Variants in GMCL1 observed in about 807,000 individuals in gnomAD.
GMCL1 encodes the protein germ cell-less protein-like 1.
In GMCL1, 54 loss-of-function variants were observed where a neutral mutation model predicts 75.5. The observed-to-expected ratio is 0.71, with a 90% CI of 0.57 to 0.90. GMCL1 has a LOEUF of 0.90. Among genes scored for constraint, GMCL1 ranks in the 40% least tolerant of loss-of-function variants. GMCL1 has a pLI of 0.00. For synonymous variants in GMCL1, 210 were observed against 209.6 expected (o/e 1.00, Z -0.02); for missense variants, 537 against 622.7 (o/e 0.86, Z 1.47).
chr2:69,833,603 A>G (rs1171734925), intron 1 of GMCL1, among the ~76,000 whole-genome samples: 1 of 152,246 alleles, frequency 6.6e-6, no homozygotes, highest in African/African-American at 2.4e-5. Context: ...GCAACAGAGT[A>G]AGACCCTGTC....
chr2:69,857,857 A>G (rs1675523656), intron 9 of GMCL1, among the ~76,000 whole-genome samples: 2 of 152,212 alleles, frequency 1.3e-5, no homozygotes, highest in Admixed American at 1.3e-4. Flanking sequence ...GTGTATGTAT[A>G]CCTGAAGATA....
intron 1 of GMCL1, 57 bp downstream of exon 1, chr2:69,830,209 C>G: frequency 1.3e-6 from 2 of 1,509,358 alleles, no homozygotes; most frequent in Non-Finnish European, 8.9e-7. Flanking sequence ...GGCCTGGGGC[C>G]GAGCCGGCGC....
At chr2:69,850,732 C>T (rs1474196696) in intron 8 of GMCL1, among the ~76,000 whole-genome samples, 1 of 152,092 alleles carries the variant, frequency 6.6e-6, no homozygotes, top group East Asian at 1.9e-4. Flanking sequence ...TTGATTAGTA[C>T]CATTTCTTAA....
chr2:69,880,288 A>T lies in GMCL1; in HGVS notation c.*1284A>T, dbSNP rs1676244644. ...AGCTCTTACATAAAATGGACCAAAAAATCCCCCTTAATTGAAACCAAAATT... is the reference window on the plus strand; with the variant it reads ...AGCTCTTACATAAAATGGACCAAAATATCCCCCTTAATTGAAACCAAAATT... On this transcript the variant is annotated 3_prime_UTR_variant, in exon 14 of 14. Transcript: ENST00000282570. 6.6e-6 allele frequency: 1 copy of T among 152,150 alleles called. No homozygotes were observed. Among genetic ancestry groups the T allele is most frequent in the African/African-American group, 2.4e-5 (1 of 41,434 alleles). 9.4% of individuals were successfully genotyped at this position (152,150 alleles called of 1,614,324 possible). A position where few individuals can be genotyped will look rare whatever the true frequency, so the allele number is the denominator to read the frequency against.
rs1558552570 is a variant in GMCL1 at position 69,871,862 on chromosome 2, CATA to C, written c.1452+34_1452+36del. On this transcript the variant is annotated intron_variant, in intron 13 of 13. Transcript: ENST00000282570. ...GTTCGATTATCTTCTGGTATGTCAT[CATA>C]ATATTTGTCTTTTGAATCCTCTTTT... 6 of 1,286,402 alleles carry C rather than the reference CATA, an allele frequency of 4.7e-6. No homozygotes were observed. The African/African-American group carries it at 6.0e-5, about 13-fold the overall frequency. 79.7% of individuals were successfully genotyped at this position (1,286,402 alleles called of 1,614,324 possible). A position where few individuals can be genotyped will look rare whatever the true frequency, so the allele number is the denominator to read the frequency against.
intron 6 of GMCL1, chr2:69,844,398 T>C: frequency 2.7e-6 from 1 of 370,448 alleles, no homozygotes; most frequent in Non-Finnish European, 4.9e-6. Context: ...ATGGATATTA[T>C]GTCTACTGTT....
At chr2:69,830,421 C>T (rs1011572866) in intron 1 of GMCL1, among the ~76,000 whole-genome samples, 1 of 152,248 alleles carries the variant, frequency 6.6e-6, no homozygotes, top group Non-Finnish European at 1.5e-5. Context: ...CAAGCCCGAG[C>T]TCGCGTCTCG....
At position 69,843,188 on chromosome 2, in the gene GMCL1, A is replaced by G. The variant is rs146826393; in HGVS notation, c.619A>G (p.Thr207Ala). Residue 207 changes from threonine to alanine, a missense_variant, in exon 5 of 14, where the codon ACA (threonine) becomes GCA (alanine). By Grantham distance (58) the Thr-to-Ala change is moderately conservative. Transcript: ENST00000282570. Reference sequence around the variant, plus strand: ...GCAGTGTGGTGAGACAATGAAGGAAACAGTTAATGTGAAAACTGTATGTGG... The same window carrying G: ...GCAGTGTGGTGAGACAATGAAGGAAGCAGTTAATGTGAAAACTGTATGTGG... ...IQQCGETMKETVNVKTVCGYY... is the reference protein window; with the variant it reads ...IQQCGETMKEAVNVKTVCGYY... The G allele has an allele frequency of 2.4e-5, 38 of 1,612,318 alleles. No individual in the cohort carries two copies. The highest frequency in any genetic ancestry group is 1.6e-4 in the Middle Eastern group (1 of 6,078).
At chr2:69,866,206 A>C (rs1009426317) in intron 11 of GMCL1, among the ~76,000 whole-genome samples, 6 of 151,494 alleles carry the variant, frequency 4.0e-5, no homozygotes, top group Non-Finnish European at 8.8e-5. Context: ...CAAGATTGTG[A>C]CACTGCACTT....
rs1344627172 is a variant in GMCL1 at position 69,830,166 on chromosome 2, C to T, written c.260+14C>T. 1.9e-6 allele frequency: 3 copies of T among 1,550,686 alleles called. No individual in the cohort carries two copies. Among genetic ancestry groups the T allele is most frequent in the South Asian group, 2.4e-5 (2 of 84,166 alleles). On this transcript the variant is annotated intron_variant, in intron 1 of 13. Coordinates refer to ENST00000282570, the MANE Select transcript of GMCL1 (RefSeq NM_178439.5). ...CACCCCTCGAAGGTACGTGGGGGCA[C>T]GCACCCGCGCGGACCCGGACCCGCA...
intron 11 of GMCL1, among the ~76,000 whole-genome samples, chr2:69,866,005 C>G (rs1456051151): frequency 6.6e-6 from 1 of 152,118 alleles, no homozygotes; most frequent in Admixed American, 6.5e-5. Flanking sequence ...AATTCCAGCA[C>G]TTTGGGAGAC....
chr2:69,849,486 G>A (rs1271933481), intron 7 of GMCL1, among the ~76,000 whole-genome samples, 166 bp from the exon 8 acceptor site: 2 of 152,228 alleles, frequency 1.3e-5, no homozygotes, highest in Admixed American at 6.5e-5. Flanking sequence ...ATAATGCCAT[G>A]ATAAATTGAG....
chr2:69,861,298 A>G lies in GMCL1; in HGVS notation c.1093A>G (p.Lys365Glu). ...TTCAGAATGGCTCTCTTCTGTGTAT[A>G]AACAGCAGTGGTTTGCTATGCTGCG... is the stretch of plus-strand genomic sequence containing the variant. ...VPSEWLSSVY[K>E]QQWFAMLRAE... The change falls in exon 10 of 14, where the codon AAA becomes GAA. Residue 365 changes from lysine (K) to glutamate (E), a missense_variant. Transcript: ENST00000282570. 1.2e-6 allele frequency: 2 copies of G among 1,608,180 alleles called. No individual in the cohort carries two copies. Among genetic ancestry groups the G allele is most frequent in the Non-Finnish European group, 1.7e-6 (2 of 1,175,410 alleles).
chr2:69,839,562 C>T lies in GMCL1; in HGVS notation c.481+9C>T, dbSNP rs977866282. ...GAACATTGATGTAGAAGGTAACTACCACAATAATTACTATTATGCAACAAT... is the reference window on the plus strand; with the variant it reads ...GAACATTGATGTAGAAGGTAACTACTACAATAATTACTATTATGCAACAAT... On this transcript the variant is annotated intron_variant, in intron 3 of 13. Transcript: ENST00000282570. The T allele has an allele frequency of 7.1e-7, 1 of 1,411,070 alleles. No homozygotes were observed. Among genetic ancestry groups the T allele is most frequent in the African/African-American group, 1.4e-5 (1 of 70,980 alleles). The allele number at this position is 1,411,070 out of a possible 1,614,324, so 87.4% of individuals were successfully genotyped here. A position where few individuals can be genotyped will look rare whatever the true frequency, so the allele number is the denominator to read the frequency against.
At chr2:69,868,184 G>A (rs1297611248) in intron 11 of GMCL1, among the ~76,000 whole-genome samples, 1 of 151,648 alleles carries the variant, frequency 6.6e-6, no homozygotes, top group Non-Finnish European at 1.5e-5. Context: ...AAAATTGCTT[G>A]AACCCAGGAG....
At chr2:69,867,268 AC>A (rs1451335811) in intron 11 of GMCL1, among the ~76,000 whole-genome samples, 1 of 146,168 alleles carries the variant, frequency 6.8e-6, no homozygotes, top group Admixed American at 6.8e-5. Flanking sequence ...CTTTACCACT[AC>A]TCTTATTCTC....
Position 69,879,459 on chromosome 2 carries a change from A to G in GMCL1, c.*455A>G, listed in dbSNP as rs1019725829. ...TCTAAAAGAATAATTTGGTTGGCCA[A>G]TTAGAAATGCCTTTTTCAGTTGGTG... On this transcript the variant is annotated 3_prime_UTR_variant, in exon 14 of 14. Transcript: ENST00000282570. 2.0e-5 allele frequency: 3 copies of G among 153,084 alleles called. No individual in the cohort carries two copies. Among genetic ancestry groups the G allele is most frequent in the Admixed American group, 1.3e-4 (2 of 15,300 alleles). 9.5% of individuals were successfully genotyped at this position (153,084 alleles called of 1,614,324 possible).
chr2:69,875,496 C>T lies in GMCL1; in HGVS notation c.1453-3413C>T, dbSNP rs544852675. 1.2e-4 allele frequency among the ~76,000 whole-genome samples: 18 copies of T among 151,982 alleles called. 1 individual carries two copies. The East Asian group carries it at 1.5e-3, about 13-fold the overall frequency. The stretch of plus-strand genomic sequence containing the variant: ...GATGTAGGATCATTTTATCAAGTTT[C>T]CTTGCAAAAATTCCTATGGGGATTT... On this transcript the variant is annotated intron_variant, in intron 13 of 13. Coordinates refer to ENST00000282570, the MANE Select transcript of GMCL1 (RefSeq NM_178439.5).
chr2:69,867,838 G>C (rs1250145164), intron 11 of GMCL1, among the ~76,000 whole-genome samples: 1 of 152,116 alleles, frequency 6.6e-6, no homozygotes, highest in South Asian at 2.1e-4. Context: ...CATTTTCCTA[G>C]TGAATTGATC....
Sources: allele counts gnomAD v4.1 joint callset (sites outside exome capture counted in the v4.1 genomes callset), GRCh38; gene constraint gnomAD v4.1.1; transcripts MANE v1.5; gene names NCBI Gene and HGNC (gene_info 2026-07-23, HGNC 2026-07-21).